Variants in CTNNA2 observed in about 807,000 individuals in gnomAD.
CTNNA2 encodes the protein catenin alpha 2.
In CTNNA2, 42 loss-of-function variants were observed where a neutral mutation model predicts 101.0. The ratio of observed to expected loss-of-function variants is 0.42; its 90% CI spans 0.32 to 0.54. The LOEUF (loss-of-function observed/expected upper bound fraction) is 0.54, where lower values mean the gene tolerates loss of function less well. CTNNA2 is among the 20% of genes least tolerant of loss of function. The probability of loss-of-function intolerance (pLI) is 0.14; values close to 1 mark genes in which losing one functional copy is unlikely to be tolerated. For synonymous variants in CTNNA2, 450 were observed against 456.4 expected (o/e 0.99, Z 0.18); for missense variants, 871 against 1,223.1 (o/e 0.71, Z 4.29).
chr2:80,109,953 A>G (rs139476435), intron 7 of CTNNA2, among the ~76,000 whole-genome samples: 84 of 152,322 alleles, frequency 5.5e-4, no homozygotes, highest in Non-Finnish European at 1.1e-3. Context: ...CTGAATTAAT[A>G]CAGTGTACAT....
At chr2:79,330,880 T>A (rs1406334660) in intron 3 of CTNNA2, among the ~76,000 whole-genome samples, 1 of 152,168 alleles carries the variant, frequency 6.6e-6, no homozygotes, top group East Asian at 1.9e-4. Context: ...CTCAGGTATG[T>A]CTTTATTAAC....
At chr2:80,277,552 T>TAAAAAAAAAA (rs1415549216) in intron 7 of CTNNA2, among the ~76,000 whole-genome samples, 1 of 25,148 alleles carries the variant, frequency 4.0e-5, no homozygotes, top group Non-Finnish European at 9.4e-5. Flanking sequence ...GAAGGATTTC[T>TAAAAAAAAAA]GAAAAAAAAA....
intron 2 of CTNNA2, among the ~76,000 whole-genome samples, chr2:79,242,985 T>C (rs1057307905): frequency 0.036 from 1,811 of 50,158 alleles, 25 homozygotes; most frequent in South Asian, 0.078. Flanking sequence ...TATATATATA[T>C]ATATATATAC....
At chr2:79,819,377 T>C (rs941401262) in intron 3 of CTNNA2, among the ~76,000 whole-genome samples, 1 of 152,190 alleles carries the variant, frequency 6.6e-6, no homozygotes, top group Non-Finnish European at 1.5e-5. Context: ...TTATAACTTA[T>C]GGGCTTACTT....
chr2:79,206,913 T>A (rs972898134), intron 2 of CTNNA2, among the ~76,000 whole-genome samples: 2 of 152,162 alleles, frequency 1.3e-5, no homozygotes, highest in African/African-American at 4.8e-5. Context: ...TTCAGCTACT[T>A]GATCAGTTAC....
intron 2 of CTNNA2, among the ~76,000 whole-genome samples, chr2:79,226,378 T>G (rs976576237): frequency 6.6e-6 from 1 of 152,146 alleles, no homozygotes; most frequent in Non-Finnish European, 1.5e-5. Context: ...TTGAGAGTAT[T>G]GCACAAGGTC....
At chr2:79,433,498 G>A (rs577971599) in intron 4 of CTNNA2, among the ~76,000 whole-genome samples, 15 of 151,834 alleles carry the variant, frequency 9.9e-5, no homozygotes. Context: ...CCAGGCCTAG[G>A]GCAATAAGTC....
intron 2 of CTNNA2, among the ~76,000 whole-genome samples, chr2:79,219,480 A>C (rs1674313897): frequency 6.6e-6 from 1 of 152,182 alleles, no homozygotes; most frequent in Non-Finnish European, 1.5e-5. Context: ...AATAAATTTA[A>C]ATTTAAATAG....
chr2:79,743,726 G>T (rs1183590722), intron 2 of CTNNA2, among the ~76,000 whole-genome samples: 2 of 151,670 alleles, frequency 1.3e-5, no homozygotes, highest in Non-Finnish European at 2.9e-5. Flanking sequence ...TATAGATGAG[G>T]TTTCACCATG....
intron 4 of CTNNA2, among the ~76,000 whole-genome samples, chr2:79,487,321 C>T (rs1036733977): frequency 3.3e-5 from 5 of 152,108 alleles, no homozygotes; most frequent in South Asian, 2.1e-4. Context: ...AGATGAATTC[C>T]GCCAATTTGT....
At chr2:79,235,681 A>T (rs189744445) in intron 2 of CTNNA2, among the ~76,000 whole-genome samples, 1 of 152,250 alleles carries the variant, frequency 6.6e-6, no homozygotes, top group African/African-American at 2.4e-5. Flanking sequence ...AGGGCTTGCC[A>T]CTGCTTAGAC....
At chr2:79,602,320 T>G (rs1179991078) in intron 1 of CTNNA2, among the ~76,000 whole-genome samples, 1 of 152,134 alleles carries the variant, frequency 6.6e-6, no homozygotes. Context: ...TATAAAGTAC[T>G]TGATAAAATT....
chr2:80,220,163 G>T (rs376444371), intron 7 of CTNNA2, among the ~76,000 whole-genome samples: 1 of 152,148 alleles, frequency 6.6e-6, no homozygotes, highest in Admixed American at 6.5e-5. Flanking sequence ...AAAAGTTCAC[G>T]ATTTAAATGA....
intron 1 of CTNNA2, among the ~76,000 whole-genome samples, chr2:79,524,497 T>G (rs951234433): frequency 6.6e-6 from 1 of 151,744 alleles, no homozygotes; most frequent in African/African-American, 2.4e-5. Context: ...GTATTACCTC[T>G]TTTATATGTT....
At chr2:80,389,554 G>C (rs780008207) in intron 7 of CTNNA2, among the ~76,000 whole-genome samples, 83 of 151,982 alleles carry the variant, frequency 5.5e-4, no homozygotes, top group Non-Finnish European at 9.7e-4. Flanking sequence ...TTCCTGTCCA[G>C]TTTAAACTGA....
At chr2:79,415,137 G>A (rs770733059) in intron 4 of CTNNA2, among the ~76,000 whole-genome samples, 3 of 152,126 alleles carry the variant, frequency 2.0e-5, no homozygotes, top group Non-Finnish European at 4.4e-5. Flanking sequence ...TTGGATCATG[G>A]CAATAGGTCC....
chr2:80,486,245 A>C (rs1463665158), intron 9 of CTNNA2, among the ~76,000 whole-genome samples: 1 of 152,184 alleles, frequency 6.6e-6, no homozygotes, highest in Non-Finnish European at 1.5e-5. Context: ...ATATGGCCAT[A>C]AATAAAATAC....
intron 3 of CTNNA2, among the ~76,000 whole-genome samples, chr2:79,367,777 G>A (rs778437192): frequency 3.4e-4 from 51 of 152,170 alleles, no homozygotes; most frequent in Non-Finnish European, 6.2e-4. Flanking sequence ...GTAAAAATGA[G>A]TAACTGATAT....
intron 1 of CTNNA2, among the ~76,000 whole-genome samples, chr2:79,193,056 T>G (rs558834913): frequency 6.6e-6 from 1 of 152,326 alleles, no homozygotes; most frequent in African/African-American, 2.4e-5. Flanking sequence ...CATGTATCCC[T>G]AGCAACATTT....
Sources: gnomAD v4.1 joint callset for allele counts (sites outside exome capture counted in the v4.1 genomes callset) on GRCh38, gnomAD v4.1.1 for gene constraint, MANE v1.5 for transcripts, NCBI Gene and HGNC (gene_info 2026-07-23, HGNC 2026-07-21) for gene names.